Variants in DNAJC6 observed in about 807,000 individuals in gnomAD.
DNAJC6 encodes the protein auxilin.
In DNAJC6, 34 loss-of-function variants were observed where a neutral mutation model predicts 110.0. The observed-to-expected ratio is 0.31, with a 90% CI of 0.24 to 0.41. The LOEUF is 0.41. Ranked by LOEUF, DNAJC6 falls within the 10% of genes least tolerant of loss-of-function variation. DNAJC6 has a pLI of 1.00. For synonymous variants in DNAJC6, 406 were observed against 437.2 expected, an observed-to-expected ratio of 0.93 and a Z score of 0.89; for missense variants, 1,031 against 1,207.8, an observed-to-expected ratio of 0.85 and a Z score of 2.17.
chr1:65,269,283 G>T (rs1220325225), intron 1 of DNAJC6, among the ~76,000 whole-genome samples: 2 of 151,688 alleles, frequency 1.3e-5, no homozygotes, highest in Admixed American at 6.6e-5. Flanking sequence ...CAAGAGAATC[G>T]CTTGAACCTG....
intron 12 of DNAJC6, 127 bp downstream of exon 12, chr1:65,392,992 T>A: frequency 1.2e-6 from 1 of 839,802 alleles, no homozygotes; most frequent in Non-Finnish European, 1.6e-6. Flanking sequence ...TTAGAGGAGG[T>A]CTGTATCTTT....
At chr1:65,378,341 T>C (rs575927863) in intron 4 of DNAJC6, among the ~76,000 whole-genome samples, 1 of 152,190 alleles carries the variant, frequency 6.6e-6, no homozygotes, top group Non-Finnish European at 1.5e-5. Flanking sequence ...AAGGACTTCA[T>C]TTTTTTCAAA....
At chr1:65,322,742 C>T (rs777011180) in intron 1 of DNAJC6, among the ~76,000 whole-genome samples, 24 of 152,102 alleles carry the variant, frequency 1.6e-4, no homozygotes, top group Non-Finnish European at 3.5e-4. Flanking sequence ...ACCTGTTTTC[C>T]CACATTCTTG....
chr1:65,283,822 G>T lies in DNAJC6; in HGVS notation c.-131+18890G>T, dbSNP rs111639976. ...CATATCCTTGCCAGCAATTGGTATAGTCACTATTTTTCTTTTTAGCATTTG... is the reference window on the plus strand; with the variant it reads ...CATATCCTTGCCAGCAATTGGTATATTCACTATTTTTCTTTTTAGCATTTG... On this transcript the variant is annotated intron_variant, in intron 1 of 19. Coordinates refer to the DNAJC6 transcript ENST00000263441. Among the ~76,000 whole-genome samples the T allele has an allele frequency of 5.6e-3, 848 of 152,294 alleles. 16 individuals are homozygous for T. Among genetic ancestry groups the T allele is most frequent in the African/African-American group, 0.019 (787 of 41,554 alleles).
chr1:65,364,641 C>T lies in DNAJC6; in HGVS notation c.200C>T (p.Ser67Leu), dbSNP rs1645628976. The T allele has an allele frequency of 6.3e-7, 1 of 1,575,364 alleles. No homozygotes were observed. The highest frequency in any genetic ancestry group is 8.6e-7 in the Non-Finnish European group (1 of 1,169,444). The change falls in exon 2 of 19, where the codon TCA becomes TTA. Residue 67 changes from serine to leucine, a missense_variant. Coordinates refer to ENST00000371069, the MANE Select transcript of DNAJC6 (RefSeq NM_001256864.2). ...RASTMDSSGASSPDMEPSYGG... is the reference protein window; with the variant it reads ...RASTMDSSGALSPDMEPSYGG... ...TTTTTTTTTTTTTTGGCAGGTGCCT[C>T]ATCTCCAGACATGGAGCCCAGCTAT...
At chr1:65,271,727 G>A (rs773750441) in intron 1 of DNAJC6, among the ~76,000 whole-genome samples, 40 of 151,978 alleles carry the variant, frequency 2.6e-4, no homozygotes, top group Admixed American at 1.8e-3. Flanking sequence ...AAAATTAGCC[G>A]GGTGTGGTGG....
At chr1:65,349,003 T>C (rs962303445) in intron 1 of DNAJC6, among the ~76,000 whole-genome samples, 2 of 145,544 alleles carry the variant, frequency 1.4e-5, no homozygotes, top group Admixed American at 7.0e-5. Context: ...TATGTAAATA[T>C]ATATAAGTAT....
intron 1 of DNAJC6, among the ~76,000 whole-genome samples, chr1:65,326,530 C>CTGACTTAAA (rs1645243383): frequency 6.6e-6 from 1 of 152,214 alleles, no homozygotes; most frequent in Admixed American, 6.5e-5. Flanking sequence ...CTATTTAAAA[C>CTGACTTAAA]ATATTACTTA....
chr1:65,341,398 T>C (rs564466042), intron 1 of DNAJC6, among the ~76,000 whole-genome samples: 344 of 152,264 alleles, frequency 2.3e-3, no homozygotes, highest in Non-Finnish European at 3.8e-3. Context: ...TTTTTATGGT[T>C]ATTAGTGCCT....
chr1:65,299,304 T>C (rs1331090847), intron 1 of DNAJC6, among the ~76,000 whole-genome samples: 1 of 152,252 alleles, frequency 6.6e-6, no homozygotes. Context: ...TAAAGCTCTG[T>C]ATCACCTTTA....
chr1:65,267,134 T>G (rs1333886790), intron 1 of DNAJC6, among the ~76,000 whole-genome samples: 1 of 152,116 alleles, frequency 6.6e-6, no homozygotes, highest in East Asian at 1.9e-4. Context: ...TGACCTCAGG[T>G]GATCCACCCG....
intron 1 of DNAJC6, among the ~76,000 whole-genome samples, chr1:65,337,944 C>T (rs764708479): frequency 6.6e-6 from 1 of 152,186 alleles, no homozygotes; most frequent in African/African-American, 2.4e-5. Flanking sequence ...CTGAATGCTT[C>T]TAACACACTC....
At chr1:65,389,525 A>G (rs1645904187) in intron 10 of DNAJC6, 22 bp from the exon 11 acceptor site, 2 of 1,614,024 alleles carry the variant, frequency 1.2e-6, no homozygotes, top group Non-Finnish European at 1.7e-6. Flanking sequence ...CATTGATGCT[A>G]CATGGTCTTT....
At chr1:65,385,491 T>A (rs945213673) in intron 6 of DNAJC6, among the ~76,000 whole-genome samples, 2 of 152,222 alleles carry the variant, frequency 1.3e-5, no homozygotes, top group African/African-American at 4.8e-5. Flanking sequence ...ATTTAATAAA[T>A]ACCCCAGTAT....
At chr1:65,340,830 C>G (rs1199385838) in intron 1 of DNAJC6, among the ~76,000 whole-genome samples, 1 of 152,158 alleles carries the variant, frequency 6.6e-6, no homozygotes, top group Non-Finnish European at 1.5e-5. Flanking sequence ...ATTACACTTT[C>G]TATTTATCAG....
intron 16 of DNAJC6, among the ~76,000 whole-genome samples, chr1:65,407,832 G>C (rs796115638): frequency 7.2e-5 from 11 of 152,182 alleles, no homozygotes; most frequent in African/African-American, 2.7e-4. Flanking sequence ...TTACAGTATA[G>C]AGATAGCAAA....
chr1:65,298,752 C>A (rs1268799680), intron 1 of DNAJC6: 1 of 152,210 alleles, frequency 6.6e-6, no homozygotes, highest in Non-Finnish European at 1.5e-5. Context: ...GTTCCAAAAT[C>A]ACTTTGTACT....
Position 65,413,254 on chromosome 1 carries a change from C to T in DNAJC6, c.*229C>T, listed in dbSNP as rs899664733. On this transcript the variant is annotated 3_prime_UTR_variant, in exon 19 of 19. Coordinates refer to ENST00000371069, the MANE Select transcript of DNAJC6 (RefSeq NM_001256864.2). The stretch of plus-strand genomic sequence containing the variant: ...ATGAGAGGAACTTCTAGTCAGATGA[C>T]CTTGCAGAACCACCGCATTCCACCC... The T allele has an allele frequency of 1.3e-5, 6 of 446,934 alleles. No individual in the cohort carries two copies. The Admixed American group carries it at 1.9e-4, about 14-fold the overall frequency. The allele number at this position is 446,934 out of a possible 1,614,324, so 27.7% of individuals were successfully genotyped here.
chr1:65,396,704 G>A (rs1645980345), intron 13 of DNAJC6, among the ~76,000 whole-genome samples: 1 of 152,088 alleles, frequency 6.6e-6, no homozygotes, highest in Admixed American at 6.6e-5. Flanking sequence ...ATTAACTTAT[G>A]TGTTACATTT....
Sources: gnomAD v4.1 joint callset for allele counts (sites outside exome capture counted in the v4.1 genomes callset) on GRCh38, gnomAD v4.1.1 for gene constraint, MANE v1.5 for transcripts, NCBI Gene and HGNC (gene_info 2026-07-23, HGNC 2026-07-21) for gene names.